The following FHOD3 variants were observed in gnomAD, a reference collection of about 807,000 sequenced individuals.
FHOD3 encodes the protein formin homology 2 domain containing 3.
FHOD3 carries 90 observed loss-of-function variants against 173.0 expected under a neutral mutation model. That is an observed-to-expected ratio of 0.52 (90% confidence interval 0.44 to 0.62). The LOEUF is 0.62. Among genes scored for constraint, FHOD3 ranks in the 20% least tolerant of loss-of-function variants. The pLI, the probability that FHOD3 is intolerant of heterozygous loss-of-function variation, is 0.00. For synonymous variants in FHOD3, 828 were observed against 823.0 expected (o/e 1.01, Z -0.10); for missense variants, 1,945 against 2,034.7 (o/e 0.96, Z 0.85).
intron 25 of FHOD3, 94 bp from the exon 26 acceptor site, chr18:36,759,022 TTA>T: frequency 1.5e-6 from 2 of 1,351,364 alleles, no homozygotes; most frequent in Non-Finnish European, 2.0e-6. Flanking sequence ...ACTTGGAATT[TTA>T]TGTGACATTG....
At chr18:36,413,056 C>T (rs2049438784) in intron 3 of FHOD3, among the ~76,000 whole-genome samples, 1 of 152,230 alleles carries the variant, frequency 6.6e-6, no homozygotes, top group African/African-American at 2.4e-5. Flanking sequence ...GAGAACTGCA[C>T]CTTTCCCAGA....
chr18:36,578,190 AT>A (rs1324337491), intron 6 of FHOD3, among the ~76,000 whole-genome samples: 1 of 152,204 alleles, frequency 6.6e-6, no homozygotes, highest in Non-Finnish European at 1.5e-5. Flanking sequence ...AGACTGGGTA[AT>A]TTATAAAGGA....
intron 15 of FHOD3, 36 bp downstream of exon 15, chr18:36,681,606 G>T (rs1191568177): frequency 3.3e-6 from 5 of 1,533,080 alleles, no homozygotes; most frequent in South Asian, 1.1e-5. Context: ...TAAATAGTGA[G>T]TTAAAAATTA....
At chr18:36,736,741 C>T (rs1268068805) in intron 20 of FHOD3, among the ~76,000 whole-genome samples, 1 of 152,132 alleles carries the variant, frequency 6.6e-6, no homozygotes, top group Non-Finnish European at 1.5e-5. Flanking sequence ...GGGGGTGGGG[C>T]AGACCAGGAG....
At chr18:36,774,415 A>G (rs2043535510) in intron 28 of FHOD3, among the ~76,000 whole-genome samples, 1 of 152,122 alleles carries the variant, frequency 6.6e-6, no homozygotes, top group Admixed American at 6.5e-5. Context: ...CAACCTTGTC[A>G]CCACAGACTG....
chr18:36,501,035 A>T (rs1259190519), intron 3 of FHOD3, among the ~76,000 whole-genome samples: 1 of 152,164 alleles, frequency 6.6e-6, no homozygotes, highest in Non-Finnish European at 1.5e-5. Flanking sequence ...TAATTGTGGC[A>T]TACTCATCTG....
chr18:36,365,752 C>T (rs759065262), intron 2 of FHOD3, among the ~76,000 whole-genome samples: 13 of 152,048 alleles, frequency 8.5e-5, no homozygotes, highest in Non-Finnish European at 1.6e-4. Context: ...TGGTGACGGC[C>T]GGGCTAGGTG....
intron 16 of FHOD3, among the ~76,000 whole-genome samples, chr18:36,689,349 C>T (rs776674593): frequency 6.6e-6 from 1 of 152,150 alleles, no homozygotes; most frequent in African/African-American, 2.4e-5. Flanking sequence ...ACCCTTAATG[C>T]AAGACTCAGA....
At chr18:36,514,795 C>G (rs2055871210) in intron 5 of FHOD3, among the ~76,000 whole-genome samples, 1 of 152,214 alleles carries the variant, frequency 6.6e-6, no homozygotes, top group Non-Finnish European at 1.5e-5. Flanking sequence ...CACAACTCTG[C>G]CCGCTGTGGT....
chr18:36,606,826 G>A lies in FHOD3; in HGVS notation c.813+4058G>A, dbSNP rs546346716. Reference sequence around the variant, plus strand: ...AGGCAGAAATAGGCAAGAAGGAAGGGATAACTAGTTCCAAGTCCAAAGCCC... The same window carrying A: ...AGGCAGAAATAGGCAAGAAGGAAGGAATAACTAGTTCCAAGTCCAAAGCCC... On this transcript the variant is annotated intron_variant, in intron 8 of 28. Transcript: ENST00000590592. Among the ~76,000 whole-genome samples, 127 of 152,296 alleles carry A rather than the reference G, an allele frequency of 8.3e-4. 3 individuals carry two copies. In the South Asian group the frequency reaches 0.025, roughly 30 times the overall value.
At chr18:36,531,625 A>C (rs902398646) in intron 5 of FHOD3, among the ~76,000 whole-genome samples, 4 of 152,228 alleles carry the variant, frequency 2.6e-5, no homozygotes, top group Non-Finnish European at 5.9e-5. Context: ...CTGATTTCAA[A>C]GGAGTCTGTT....
intron 28 of FHOD3, among the ~76,000 whole-genome samples, chr18:36,777,188 T>A (rs2043726982): frequency 6.7e-6 from 1 of 150,154 alleles, no homozygotes; most frequent in Admixed American, 6.7e-5. Flanking sequence ...AACTACTTCT[T>A]CTTCTTTTTC....
At chr18:36,424,761 C>A (rs1305128954) in intron 3 of FHOD3, among the ~76,000 whole-genome samples, 1 of 152,174 alleles carries the variant, frequency 6.6e-6, no homozygotes, top group African/African-American at 2.4e-5. Flanking sequence ...CAGACATAAA[C>A]AATTCATAAG....
intron 20 of FHOD3, among the ~76,000 whole-genome samples, chr18:36,736,833 T>C (rs1600486891): frequency 1.3e-5 from 2 of 152,174 alleles, no homozygotes; most frequent in Admixed American, 1.3e-4. Flanking sequence ...GGCTTGAGGG[T>C]GGGGCCTTTG....
chr18:36,433,602 C>T (rs767118514), intron 3 of FHOD3, among the ~76,000 whole-genome samples: 14 of 152,258 alleles, frequency 9.2e-5, no homozygotes, highest in African/African-American at 3.1e-4. Flanking sequence ...GAGAACTGTA[C>T]GTATCACAGC....
At chr18:36,628,098 A>T (rs899454160) in intron 10 of FHOD3, among the ~76,000 whole-genome samples, 1 of 152,336 alleles carries the variant, frequency 6.6e-6, no homozygotes. Flanking sequence ...AAAGGGGTTC[A>T]TATTGTTCTA....
intron 3 of FHOD3, among the ~76,000 whole-genome samples, chr18:36,449,156 T>G (rs7243111): frequency 6.6e-6 from 1 of 151,942 alleles, no homozygotes; most frequent in African/African-American, 2.4e-5. Flanking sequence ...ATGGAGCTAT[T>G]TGGGGGCACT....
In FHOD3 at chr18:36,625,554, C is replaced by T; in HGVS notation, c.1001C>T (p.Pro334Leu). The T allele has an allele frequency of 2.7e-6, 4 of 1,504,102 alleles. No homozygotes were observed. The highest frequency in any genetic ancestry group is 3.6e-6 in the Non-Finnish European group (4 of 1,115,676). The allele number at this position is 1,504,102 out of a possible 1,614,324, so 93.2% of individuals were successfully genotyped here. Reference sequence around the variant, plus strand: ...GATGGCGATGAGACCACGGAGCCACCCCCCAGTGGGTGCCGGGACCGGAGG... The same window carrying T: ...GATGGCGATGAGACCACGGAGCCACTCCCCAGTGGGTGCCGGGACCGGAGG... ...HEDGDETTEP[P>L]PSGCRDRRRA... The change falls in exon 10 of 29, where the codon CCC becomes CTC. Residue 334 changes from proline to leucine, a missense_variant. Pro to Leu is a moderately conservative substitution (Grantham distance 98). Transcript: ENST00000590592.
At chr18:36,578,133 G>A (rs190182092) in intron 6 of FHOD3, among the ~76,000 whole-genome samples, 1 of 152,296 alleles carries the variant, frequency 6.6e-6, no homozygotes, top group East Asian at 1.9e-4. Flanking sequence ...TCCCTGAAAA[G>A]CATATTGGAT....
Sources: gnomAD v4.1 joint callset for allele counts (sites outside exome capture counted in the v4.1 genomes callset) on GRCh38, gnomAD v4.1.1 for gene constraint, MANE v1.5 for transcripts, NCBI Gene and HGNC (gene_info 2026-07-23, HGNC 2026-07-21) for gene names.